Variants in TMEM132D observed in about 807,000 individuals in gnomAD.
The protein encoded by TMEM132D is mature OL transmembrane protein.
TMEM132D carries 21 observed loss-of-function variants against 62.3 expected under a neutral mutation model. The ratio of observed to expected loss-of-function variants is 0.34; its 90% CI spans 0.24 to 0.49. The LOEUF (loss-of-function observed/expected upper bound fraction) is 0.49, where lower values mean the gene tolerates loss of function less well. Among genes scored for constraint, TMEM132D ranks in the 20% least tolerant of loss-of-function variants. The probability of loss-of-function intolerance (pLI) is 0.99; values close to 1 mark genes in which losing one functional copy is unlikely to be tolerated. For missense variants in TMEM132D, 1,346 were observed against 1,402.8 expected, an observed-to-expected ratio of 0.96 and a Z score of 0.65; for synonymous variants, 621 against 575.6, an observed-to-expected ratio of 1.08 and a Z score of -1.13.
At chr12:129,298,221 C>T (rs548200570) in intron 4 of TMEM132D, among the ~76,000 whole-genome samples, 22 of 152,188 alleles carry the variant, frequency 1.4e-4, no homozygotes, top group African/African-American at 3.4e-4. Flanking sequence ...TCATAAGCAA[C>T]GACAGGCTTG....
At chr12:129,690,159 G>T (rs2137216107) in intron 2 of TMEM132D, among the ~76,000 whole-genome samples, 1 of 152,210 alleles carries the variant, frequency 6.6e-6, no homozygotes, top group African/African-American at 2.4e-5. Flanking sequence ...AATTGACTCA[G>T]ATTAGTTAAA....
At chr12:129,339,281 G>T (rs1869389918) in intron 3 of TMEM132D, among the ~76,000 whole-genome samples, 1 of 150,224 alleles carries the variant, frequency 6.7e-6, no homozygotes, top group African/African-American at 2.4e-5. Flanking sequence ...AAAAAAAAGG[G>T]AAAAGAAAAA....
chr12:129,360,754 G>T (rs917937253), intron 3 of TMEM132D, among the ~76,000 whole-genome samples: 5 of 152,190 alleles, frequency 3.3e-5, no homozygotes, highest in Admixed American at 1.3e-4. Flanking sequence ...TCCAAACAGG[G>T]ATGAGGTCAA....
intron 1 of TMEM132D, among the ~76,000 whole-genome samples, chr12:129,718,026 CA>C (rs1868656424): frequency 2.0e-5 from 3 of 152,220 alleles, no homozygotes; most frequent in African/African-American, 7.2e-5. Flanking sequence ...AGATTTCCTT[CA>C]AAATCAATGG....
chr12:129,627,253 A>G (rs1879245323), intron 2 of TMEM132D, among the ~76,000 whole-genome samples: 3 of 152,202 alleles, frequency 2.0e-5, no homozygotes, highest in African/African-American at 4.8e-5. Context: ...CATACGAATC[A>G]TGTAAGAATA....
rs574249827 is a variant in TMEM132D, at chr12:129,555,800, G to A, written c.969-24595C>T. Among the ~76,000 whole-genome samples, 11 of 152,244 alleles carry A rather than the reference G, an allele frequency of 7.2e-5. No individual in the cohort carries two copies. In the East Asian group the frequency reaches 2.1e-3, roughly 29 times the overall value. On this transcript the variant is annotated intron_variant, in intron 2 of 8. Coordinates refer to ENST00000422113, the MANE Select transcript of TMEM132D (RefSeq NM_133448.3). ...ATTAGTTGGTGCAAAAGTAGTTGTG[G>A]TTTTTGCCACTACTTTTCTTGGAGA...
intron 3 of TMEM132D, among the ~76,000 whole-genome samples, chr12:129,348,940 T>A (rs1439528409): frequency 6.6e-6 from 1 of 152,148 alleles, no homozygotes; most frequent in African/African-American, 2.4e-5. Flanking sequence ...AGTAACTTCC[T>A]TCTGGAATGC....
At chr12:129,396,343 G>T (rs533868493) in intron 3 of TMEM132D, among the ~76,000 whole-genome samples, 31 of 152,160 alleles carry the variant, frequency 2.0e-4, no homozygotes, top group Middle Eastern at 6.8e-3. Context: ...TACTACTAAA[G>T]CCCCCACATT....
intron 5 of TMEM132D, among the ~76,000 whole-genome samples, chr12:129,121,516 G>A: frequency 6.6e-6 from 1 of 152,200 alleles, no homozygotes; most frequent in Admixed American, 6.5e-5. Context: ...GAAGATGGAT[G>A]CAGAGTAGGA....
intron 2 of TMEM132D, among the ~76,000 whole-genome samples, chr12:129,612,747 G>T (rs1054128702): frequency 6.6e-6 from 1 of 151,996 alleles, no homozygotes; most frequent in Non-Finnish European, 1.5e-5. Flanking sequence ...TCTGATGTAC[G>T]CTTAGTCTGA....
intron 3 of TMEM132D, among the ~76,000 whole-genome samples, chr12:129,516,535 T>C (rs549609294): frequency 2.0e-5 from 3 of 152,154 alleles, no homozygotes; most frequent in Non-Finnish European, 4.4e-5. Flanking sequence ...CCCCTTATAA[T>C]ACCATCAGAT....
In TMEM132D at chr12:129,722,487, A is replaced by G. The variant is rs943857441; in HGVS notation, c.80-21789T>C. Among the ~76,000 whole-genome samples, 16 of 152,288 alleles carry G rather than the reference A, an allele frequency of 1.1e-4. No homozygotes were observed. In the South Asian group the frequency reaches 3.3e-3, roughly 32 times the overall value. Reference sequence around the variant, plus strand: ...CGAAGAACACTGAACATCTTCTTGGAGATTACAGAAAGGCCTAGTCCTCTG... The same window carrying G: ...CGAAGAACACTGAACATCTTCTTGGGGATTACAGAAAGGCCTAGTCCTCTG... On this transcript the variant is annotated intron_variant, in intron 1 of 8. Coordinates refer to ENST00000422113, the MANE Select transcript of TMEM132D (RefSeq NM_133448.3).
chr12:129,780,795 A>T (rs1201074852), intron 1 of TMEM132D, among the ~76,000 whole-genome samples: 1 of 152,178 alleles, frequency 6.6e-6, no homozygotes, highest in East Asian at 1.9e-4. Context: ...AATTGAAGAG[A>T]AAATTGAAAC....
chr12:129,134,885 C>T (rs1477940870), intron 5 of TMEM132D, among the ~76,000 whole-genome samples: 1 of 152,206 alleles, frequency 6.6e-6, no homozygotes, highest in Non-Finnish European at 1.5e-5. Context: ...CATCATGGTG[C>T]ATGTCATAGG....
At chr12:129,869,064 GTTTTT>G (rs11308735) in intron 1 of TMEM132D, among the ~76,000 whole-genome samples, 2 of 147,362 alleles carry the variant, frequency 1.4e-5, no homozygotes, top group South Asian at 2.2e-4. Context: ...TTTGCTTTGT[GTTTTT>G]TTTTTTTTAA....
intron 1 of TMEM132D, among the ~76,000 whole-genome samples, chr12:129,756,430 G>A (rs563526075): frequency 6.6e-5 from 10 of 152,282 alleles, no homozygotes; most frequent in South Asian, 4.1e-4. Context: ...AGCCAGTCAC[G>A]AAGGACAAAT....
At chr12:129,784,615 G>A (rs780760563) in intron 1 of TMEM132D, among the ~76,000 whole-genome samples, 1 of 151,984 alleles carries the variant, frequency 6.6e-6, no homozygotes, top group Non-Finnish European at 1.5e-5. Context: ...TCTCATCTTT[G>A]TTTTGTCTCT....
At chr12:129,805,393 C>G (rs959905350) in intron 1 of TMEM132D, among the ~76,000 whole-genome samples, 14 of 152,134 alleles carry the variant, frequency 9.2e-5, no homozygotes, top group African/African-American at 3.4e-4. Context: ...CGCCGCATAT[C>G]TACAACCATC....
chr12:129,660,157 A>AAGAGAG, intron 2 of TMEM132D, among the ~76,000 whole-genome samples: 1 of 150,576 alleles, frequency 6.6e-6, no homozygotes, highest in South Asian at 2.1e-4. Flanking sequence ...TGTATTGTAA[A>AAGAGAG]AGAGAGAGAG....
Sources: allele counts gnomAD v4.1 joint callset (sites outside exome capture counted in the v4.1 genomes callset), GRCh38; gene constraint gnomAD v4.1.1; transcripts MANE v1.5; gene names NCBI Gene and HGNC (gene_info 2026-07-23, HGNC 2026-07-21).